CNTN4: variants seen among roughly 807,000 people sequenced by gnomAD.
CNTN4 encodes contactin 4.
A neutral mutation model predicts 122.5 loss-of-function variants in CNTN4; 77 were observed. That is an observed-to-expected ratio of 0.63 (90% CI 0.52 to 0.76). The LOEUF is 0.76. Ranked by LOEUF, CNTN4 falls within the 30% of genes least tolerant of loss-of-function variation. The pLI, the probability that CNTN4 is intolerant of heterozygous loss-of-function variation, is 0.00. For missense variants in CNTN4, 1,256 were observed against 1,259.1 expected (o/e 1.00, Z 0.04); for synonymous variants, 512 against 447.0 (o/e 1.15, Z -1.83).
chr3:2,481,055 TTCTTTCTCTCTTTCTC>T (rs1553663018), intron 3 of CNTN4, among the ~76,000 whole-genome samples: 2 of 134,908 alleles, frequency 1.5e-5, no homozygotes, highest in Admixed American at 7.3e-5. Flanking sequence ...CTTTCTTTCT[TTCTTTCTCTCTTTCTC>T]TCTTTCTCTC....
chr3:3,040,063 T>C lies in CNTN4; in HGVS notation c.2190T>C (p.Gly730=), dbSNP rs776751943. 2.5e-6 allele frequency: 4 copies of C among 1,613,720 alleles called. No individual in the cohort carries two copies. Among genetic ancestry groups the C allele is most frequent in the Non-Finnish European group, 3.4e-6 (4 of 1,179,536 alleles). Residue 730 remains glycine, a synonymous_variant, in exon 20 of 25, where the codon GGT becomes GGC. Transcript: ENST00000418658. Reference sequence around the variant, plus strand: ...CGGTCCCTGAGGAATTACAGAATGGTCGAGGCTTTGGTTATGTGGTGGCCT... The same window carrying C: ...CGGTCCCTGAGGAATTACAGAATGGCCGAGGCTTTGGTTATGTGGTGGCCT... ...WETVPEELQN[G]RGFGYVVAFR... is the part of the protein sequence containing the mutation.
At chr3:2,691,005 C>T (rs972707220) in intron 4 of CNTN4, among the ~76,000 whole-genome samples, 4 of 152,136 alleles carry the variant, frequency 2.6e-5, no homozygotes, top group Non-Finnish European at 5.9e-5. Flanking sequence ...TAGGGAAGAC[C>T]ACGTGAGAAA....
At chr3:2,141,489 C>G (rs1474520417) in intron 2 of CNTN4, among the ~76,000 whole-genome samples, 1 of 152,116 alleles carries the variant, frequency 6.6e-6, no homozygotes, top group Non-Finnish European at 1.5e-5. Flanking sequence ...CCTGCCCAGT[C>G]TTAATTGTAG....
In CNTN4 at chr3:2,443,940, A is replaced by G. The variant is rs557503145; in HGVS notation, c.-89+104707A>G. Among the ~76,000 whole-genome samples, 3 of 152,282 alleles carry G rather than the reference A, an allele frequency of 2.0e-5. No homozygotes were observed. In the East Asian group the frequency reaches 5.8e-4, roughly 29 times the overall value. On this transcript the variant is annotated intron_variant, in intron 3 of 24. Transcript: ENST00000418658. ...GGGCTAGGAAGGACCAAATGGATTT[A>G]CGTAGTTTATCGGATAAACCAATTT... is the stretch of plus-strand genomic sequence containing the variant.
chr3:2,121,146 C>G (rs888138058), intron 2 of CNTN4, among the ~76,000 whole-genome samples: 5 of 150,742 alleles, frequency 3.3e-5, no homozygotes, highest in African/African-American at 1.2e-4. Flanking sequence ...CTTTTTTCCC[C>G]TTCCTCTCTT....
chr3:2,329,668 C>T (rs1013821163), intron 2 of CNTN4, among the ~76,000 whole-genome samples: 1 of 152,118 alleles, frequency 6.6e-6, no homozygotes, highest in African/African-American at 2.4e-5. Flanking sequence ...GGGAAAGTTA[C>T]TTTGACTCAC....
intron 3 of CNTN4, among the ~76,000 whole-genome samples, chr3:2,413,204 G>A (rs1035851310): frequency 2.0e-5 from 3 of 152,142 alleles, no homozygotes; most frequent in Non-Finnish European, 2.9e-5. Context: ...CTACTTTAGT[G>A]GAACCAAAGT....
intron 6 of CNTN4, among the ~76,000 whole-genome samples, chr3:2,790,267 C>A (rs1414633469): frequency 2.0e-5 from 3 of 152,066 alleles, no homozygotes; most frequent in African/African-American, 7.2e-5. Context: ...GTATTTGGGG[C>A]CATGTAAAGG....
intron 2 of CNTN4, among the ~76,000 whole-genome samples, chr3:2,223,223 G>A (rs991188592): frequency 5.3e-5 from 8 of 152,246 alleles, no homozygotes; most frequent in Non-Finnish European, 1.2e-4. Context: ...GGACAACTTG[G>A]AAGGTAATTT....
chr3:2,590,381 C>G (rs1364582460), intron 4 of CNTN4, among the ~76,000 whole-genome samples: 1 of 152,058 alleles, frequency 6.6e-6, no homozygotes, highest in Non-Finnish European at 1.5e-5. Context: ...CTCAGCCTCC[C>G]CAGTAGCTGG....
chr3:3,056,105 G>C lies in CNTN4; in HGVS notation c.2981-15G>C. 6.2e-7 allele frequency: 1 copy of C among 1,609,780 alleles called. No homozygotes were observed. Among genetic ancestry groups the C allele is most frequent in the Non-Finnish European group, 8.5e-7 (1 of 1,176,132 alleles). On this transcript the variant is annotated splice_polypyrimidine_tract_variant and intron_variant, in intron 24 of 24. Coordinates refer to ENST00000418658, the MANE Select transcript of CNTN4 (RefSeq NM_175607.3). ...GGATGGGGCTGTTTTGAGTGAATTT[G>C]TTCTCTCTTTTCAGATGCCTACGCG...
intron 4 of CNTN4, among the ~76,000 whole-genome samples, chr3:2,575,809 CTTTTTTTT>C (rs56303805): frequency 3.2e-3 from 328 of 101,212 alleles, no homozygotes; most frequent in African/African-American, 9.9e-3. Flanking sequence ...TCTTCTTCTT[CTTTTTTTT>C]TTTTTTTTTT....
Position 2,953,483 on chromosome 3 carries a change from G to A in CNTN4, c.1358+27704G>A, listed in dbSNP as rs112690325. 2.5e-3 allele frequency among the ~76,000 whole-genome samples: 371 copies of A among 149,542 alleles called. 3 individuals are homozygous for A. Among genetic ancestry groups the A allele is most frequent in the African/African-American group, 8.7e-3 (355 of 40,578 alleles). ...GCCACTTCTTCTCCATTTGTCTATT[G>A]GGTCCTCCTCCATTCTACAACTTCT... On this transcript the variant is annotated intron_variant, in intron 13 of 24. Coordinates refer to ENST00000418658, the MANE Select transcript of CNTN4 (RefSeq NM_175607.3).
At chr3:2,241,707 A>C (rs1462963885) in intron 2 of CNTN4, among the ~76,000 whole-genome samples, 1 of 152,170 alleles carries the variant, frequency 6.6e-6, no homozygotes, top group Non-Finnish European at 1.5e-5. Flanking sequence ...CCTCCCAATT[A>C]GACTGTGTAC....
chr3:2,400,238 T>C (rs1331815642), intron 3 of CNTN4, among the ~76,000 whole-genome samples: 1 of 151,372 alleles, frequency 6.6e-6, no homozygotes, highest in Non-Finnish European at 1.5e-5. Context: ...AATTCTAGTA[T>C]CACAAAACCA....
intron 3 of CNTN4, among the ~76,000 whole-genome samples, chr3:2,402,015 CAG>C (rs1032611673): frequency 6.6e-6 from 1 of 152,096 alleles, no homozygotes; most frequent in African/African-American, 2.4e-5. Context: ...TCTAATAAAA[CAG>C]AATCTGACAA....
At chr3:2,610,045 A>G (rs893970535) in intron 4 of CNTN4, among the ~76,000 whole-genome samples, 7 of 152,190 alleles carry the variant, frequency 4.6e-5, no homozygotes, top group Non-Finnish European at 7.3e-5. Flanking sequence ...CGCACATGGT[A>G]GGTAATTAAC....
intron 13 of CNTN4, among the ~76,000 whole-genome samples, chr3:2,987,969 A>G (rs1450425592): frequency 6.6e-6 from 1 of 152,230 alleles, no homozygotes; most frequent in Non-Finnish European, 1.5e-5. Flanking sequence ...TGATTAATCA[A>G]GGGATTTTTT....
chr3:2,342,256 C>A (rs2044237284), intron 3 of CNTN4, among the ~76,000 whole-genome samples: 2 of 152,076 alleles, frequency 1.3e-5, no homozygotes, highest in African/African-American at 4.8e-5. Context: ...TGTTAGGTTA[C>A]TTTATTAATG....
Sources: gnomAD v4.1 joint callset for allele counts (sites outside exome capture counted in the v4.1 genomes callset) on GRCh38, gnomAD v4.1.1 for gene constraint, MANE v1.5 for transcripts, NCBI Gene and HGNC (gene_info 2026-07-23, HGNC 2026-07-21) for gene names.